The following VASP variants were observed in gnomAD, a reference collection of about 807,000 sequenced individuals.
VASP encodes vasodilator stimulated phosphoprotein, also known as vasodilator-stimulated phosphoprotein.
VASP carries 27 observed loss-of-function variants against 54.4 expected under a neutral mutation model. The observed-to-expected ratio is 0.50, with a 90% confidence interval of 0.37 to 0.68. The LOEUF is 0.68. Ranked by LOEUF, VASP falls within the 30% of genes least tolerant of loss-of-function variation. VASP has a pLI of 0.00. For synonymous variants in VASP, 233 were observed against 209.8 expected (o/e 1.11, Z -0.96); for missense variants, 488 against 528.3 (o/e 0.92, Z 0.75).
intron 3 of VASP, among the ~76,000 whole-genome samples, chr19:45,519,891 G>T (rs1224358762): frequency 1.1e-5 from 1 of 91,022 alleles, no homozygotes; most frequent in Non-Finnish European, 2.1e-5. Flanking sequence ...CACTGCGCCC[G>T]GCCTTTTTTT....
rs1441571698 is a variant in VASP at position 45,526,021 on chromosome 19, G to C, written c.1105+18G>C. 6.2e-7 allele frequency: 1 copy of C among 1,613,408 alleles called. No homozygotes were observed. Among genetic ancestry groups the C allele is most frequent in the Admixed American group, 1.7e-5 (1 of 59,704 alleles). ...CATTGAAGGTGAGGTGGTTTGCTTT[G>C]GTTTTGTTCTTAAACATTTACTTAT... On this transcript the variant is annotated intron_variant, in intron 12 of 12. Transcript: ENST00000245932.
intron 1 of VASP, among the ~76,000 whole-genome samples, chr19:45,514,680 G>A (rs1015821652): frequency 6.6e-6 from 1 of 152,234 alleles, no homozygotes; most frequent in African/African-American, 2.4e-5. Flanking sequence ...TGCAGCCAGG[G>A]CGGGGCAGCA....
At chr19:45,519,059 G>A (rs1483255923) in intron 3 of VASP, among the ~76,000 whole-genome samples, 2 of 152,078 alleles carry the variant, frequency 1.3e-5, no homozygotes, top group African/African-American at 4.8e-5. Context: ...CTGTTGCCCA[G>A]GCTGGAGTGC....
Position 45,526,385 on chromosome 19 carries a change from C to T in VASP, c.*208C>T, listed in dbSNP as rs1350274069. The T allele has an allele frequency of 8.7e-6, 5 of 574,846 alleles. No homozygotes were observed. The highest frequency in any genetic ancestry group is 3.2e-5 in the East Asian group (1 of 30,954). 35.6% of individuals were successfully genotyped at this position (574,846 alleles called of 1,614,324 possible). A position where few individuals can be genotyped will look rare whatever the true frequency, so the allele number is the denominator to read the frequency against. On this transcript the variant is annotated 3_prime_UTR_variant, in exon 13 of 13. Coordinates refer to ENST00000245932, the MANE Select transcript of VASP (RefSeq NM_003370.4). ...CTGATTGGCTGGGGAGGCCCCCGCC[C>T]TTTTCTCCCTTTGGTCCTTCCCCTC... is the stretch of plus-strand genomic sequence containing the variant.
chr19:45,526,385 C>A lies in VASP; in HGVS notation c.*208C>A. 3.5e-6 allele frequency: 2 copies of A among 574,844 alleles called. No individual in the cohort carries two copies. The highest frequency in any genetic ancestry group is 5.8e-6 in the Non-Finnish European group (2 of 342,658). 35.6% of individuals were successfully genotyped at this position (574,844 alleles called of 1,614,324 possible). A position where few individuals can be genotyped will look rare whatever the true frequency, so the allele number is the denominator to read the frequency against. On this transcript the variant is annotated 3_prime_UTR_variant, in exon 13 of 13. Coordinates refer to ENST00000245932, the MANE Select transcript of VASP (RefSeq NM_003370.4). ...CTGATTGGCTGGGGAGGCCCCCGCC[C>A]TTTTCTCCCTTTGGTCCTTCCCCTC... is the stretch of plus-strand genomic sequence containing the variant.
intron 3 of VASP, among the ~76,000 whole-genome samples, chr19:45,520,154 G>A (rs1365577557): frequency 2.0e-5 from 3 of 152,064 alleles, no homozygotes; most frequent in Non-Finnish European, 4.4e-5. Flanking sequence ...CACTCGCCTC[G>A]GCCTCCCAGA....
chr19:45,522,837 C>T lies in VASP; in HGVS notation c.821+19C>T. 1.3e-6 allele frequency: 2 copies of T among 1,596,488 alleles called. No homozygotes were observed. The highest frequency in any genetic ancestry group is 1.7e-6 in the Non-Finnish European group (2 of 1,173,608). ...CCCGGAGGTGAGCCTGAGCCTGGAC[C>T]CCCAAGTCACCTGGAGTTCCAGTTC... On this transcript the variant is annotated intron_variant, in intron 7 of 12. Coordinates refer to ENST00000245932, the MANE Select transcript of VASP (RefSeq NM_003370.4).
At chr19:45,508,289 C>T (rs1968529159) in intron 1 of VASP, among the ~76,000 whole-genome samples, 1 of 152,210 alleles carries the variant, frequency 6.6e-6, no homozygotes, top group Non-Finnish European at 1.5e-5. Flanking sequence ...CGCTCCATAA[C>T]TTCGGGGGTA....
At chr19:45,514,544 C>G (rs1054057828) in intron 1 of VASP, among the ~76,000 whole-genome samples, 1 of 152,176 alleles carries the variant, frequency 6.6e-6, no homozygotes, top group East Asian at 1.9e-4. Context: ...TAACAGGATC[C>G]TTCTGTTACA....
intron 1 of VASP, among the ~76,000 whole-genome samples, chr19:45,512,284 T>C (rs1241548338): frequency 1.4e-5 from 2 of 145,112 alleles, no homozygotes; most frequent in East Asian, 2.2e-4. Flanking sequence ...TATTTATATA[T>C]GCTCCTCACT....
intron 9 of VASP, 81 bp from the exon 10 acceptor site, chr19:45,524,016 G>A (rs1227674774): frequency 1.2e-6 from 2 of 1,610,326 alleles, no homozygotes; most frequent in Admixed American, 1.7e-5. Flanking sequence ...TTTGATCAGG[G>A]GCTGATGAGG....
intron 3 of VASP, 129 bp from the exon 4 acceptor site, chr19:45,521,193 G>A (rs890044825): frequency 3.2e-6 from 3 of 923,352 alleles, no homozygotes; most frequent in Non-Finnish European, 5.1e-6. Flanking sequence ...TGGAGCCTCA[G>A]GGCCTCTGGA....
intron 6 of VASP, 41 bp from the exon 7 acceptor site, chr19:45,522,677 G>C (rs941041873): frequency 6.3e-7 from 1 of 1,595,218 alleles, no homozygotes; most frequent in Non-Finnish European, 8.5e-7. Context: ...AAGGCCAAAA[G>C]GCCTGCCCCT....
In VASP at chr19:45,526,322, A is replaced by AG. The variant is rs1037303152; in HGVS notation, c.*150dup. The AG allele has an allele frequency of 8.6e-6, 9 of 1,050,622 alleles. No homozygotes were observed. The highest frequency in any genetic ancestry group is 1.2e-5 in the Non-Finnish European group (9 of 757,900). 65.1% of individuals were successfully genotyped at this position (1,050,622 alleles called of 1,614,324 possible). The stretch of plus-strand genomic sequence containing the variant: ...TCCCCATCCCACTTGGAAAACTCCA[A>AG]GGGGGTGTGGCTTCCCTGCTCACAC... On this transcript the variant is annotated 3_prime_UTR_variant, in exon 13 of 13. Coordinates refer to ENST00000245932, the MANE Select transcript of VASP (RefSeq NM_003370.4).
Position 45,517,979 on chromosome 19 carries a change from C to A in VASP, c.228C>A (p.Thr76=). The A allele has an allele frequency of 1.2e-6, 2 of 1,614,038 alleles. No individual in the cohort carries two copies. The change falls in exon 3 of 13, where the codon ACC becomes ACA. Residue 76 remains threonine (T), a synonymous_variant. Transcript: ENST00000245932. ...GGGGTGTCAAGTATAACCAGGCCAC[C>A]CCCAACTTCCATCAGTGGCGCGACG... ...IVRGVKYNQA[T]PNFHQWRDAR... is the part of the protein sequence containing the mutation.
In VASP at chr19:45,518,108, G is replaced by A. The variant is rs1259697384; in HGVS notation, c.343+14G>A. 2 of 1,609,816 alleles carry A rather than the reference G, an allele frequency of 1.2e-6. No individual in the cohort carries two copies. Among genetic ancestry groups the A allele is most frequent in the Middle Eastern group, 3.4e-4 (2 of 5,802 alleles). The stretch of plus-strand genomic sequence containing the variant: ...AGGCGTTGGAAGGTCAGAAATGGCG[G>A]CGGGCAAAGGGGACCAGTGAATGCG... On this transcript the variant is annotated intron_variant, in intron 3 of 12. Transcript: ENST00000245932.
intron 3 of VASP, among the ~76,000 whole-genome samples, chr19:45,519,116 G>C (rs1968769868): frequency 6.6e-6 from 1 of 152,250 alleles, no homozygotes; most frequent in Non-Finnish European, 1.5e-5. Context: ...CCGGGTTCAA[G>C]CGATTCTCCT....
Position 45,518,074 on chromosome 19 carries a change from G to A in VASP, c.323G>A (p.Ser108Asn). 2 of 1,613,652 alleles carry A rather than the reference G, an allele frequency of 1.2e-6. No homozygotes were observed. The highest frequency in any genetic ancestry group is 1.7e-6 in the Non-Finnish European group (2 of 1,179,974). Residue 108 changes from serine to asparagine, a missense_variant, in exon 3 of 13, where the codon AGT becomes AAT. Physicochemically the swap from Ser to Asn is conservative, Grantham distance 46 (BLOSUM62 1). Around this residue, in one of 4 missense-constraint regions of VASP, gnomAD observed 127 missense variants for 170.7 expected, o/e 0.74. Transcript: ENST00000245932. ...GCCCAGTTTGCCGCCGGCATGGCCA[G>A]TGCCCTAGAGGCGTTGGAAGGTCAG... ...DAAQFAAGMA[S>N]ALEALEGGGP...
Position 45,507,679 on chromosome 19 carries a change from A to C in VASP, c.-93A>C. Reference sequence around the variant, plus strand: ...CGGGACCCTGGGGGAGCCTGAGCCGAGCCCGGAGCCAGCCCCGAACCCCTG... The same window carrying C: ...CGGGACCCTGGGGGAGCCTGAGCCGCGCCCGGAGCCAGCCCCGAACCCCTG... On this transcript the variant is annotated 5_prime_UTR_variant, in exon 1 of 13. Coordinates refer to ENST00000245932, the MANE Select transcript of VASP (RefSeq NM_003370.4). This position sits in a 1 kb window ranked among gnomAD's most constrained non-coding sequence, Gnocchi z 4.4. 1 of 1,480,050 alleles carries C rather than the reference A, an allele frequency of 6.8e-7. No individual in the cohort carries two copies. Among genetic ancestry groups the C allele is most frequent in the Non-Finnish European group, 9.0e-7 (1 of 1,108,244 alleles). The allele number at this position is 1,480,050 out of a possible 1,614,324, so 91.7% of individuals were successfully genotyped here. A position where few individuals can be genotyped will look rare whatever the true frequency, so the allele number is the denominator to read the frequency against.
Sources: gnomAD v4.1 joint callset for allele counts (sites outside exome capture counted in the v4.1 genomes callset) on GRCh38, gnomAD v4.1.1 for gene constraint, gnomAD v4.1.1 regional missense constraint, Gnocchi (gnomAD v3.1) non-coding constraint, MANE v1.5 for transcripts, NCBI Gene and HGNC (gene_info 2026-07-23, HGNC 2026-07-21) for gene names.